Variants in ERMP1 observed in about 807,000 individuals in gnomAD.
ERMP1 encodes endoplasmic reticulum metallopeptidase 1, also known as Felix-ina.
ERMP1 carries 86 observed loss-of-function variants against 92.0 expected under a neutral mutation model. The observed-to-expected ratio is 0.93, with a 90% CI of 0.79 to 1.12. The LOEUF is 1.12. ERMP1 is among the 50% of genes most tolerant of loss of function. The pLI, the probability that ERMP1 is intolerant of heterozygous loss-of-function variation, is 0.00. For missense variants in ERMP1, 1,342 were observed against 1,116.3 expected, an observed-to-expected ratio of 1.20 and a Z score of -2.88; for synonymous variants, 530 against 412.8, an observed-to-expected ratio of 1.28 and a Z score of -3.44.
At chr9:5,834,736 T>TGTGTGTGTGTGC (rs1230741994), upstream of ERMP1, among the ~76,000 whole-genome samples, 4 of 149,608 alleles carry the variant, frequency 2.7e-5, no homozygotes. Context: ...TGTGTGTGTG[T>TGTGTGTGTGTGC]GTGTGTGTGT....
intron 10 of ERMP1, 39 bp from the exon 11 acceptor site, chr9:5,801,367 C>A: frequency 1.3e-6 from 2 of 1,586,470 alleles, no homozygotes; most frequent in Non-Finnish European, 1.7e-6. Context: ...ATTACAAATT[C>A]ATTCTAGTGG....
chr9:5,822,824 G>C (rs1196881195), intron 4 of ERMP1, among the ~76,000 whole-genome samples: 1 of 152,118 alleles, frequency 6.6e-6, no homozygotes, highest in Non-Finnish European at 1.5e-5. Context: ...TTATGCCTGA[G>C]GTTGCAATTT....
intron 13 of ERMP1, among the ~76,000 whole-genome samples, chr9:5,790,192 T>TCC (rs1491423956): frequency 1.4e-5 from 2 of 144,250 alleles, no homozygotes; most frequent in African/African-American, 5.5e-5. Context: ...TTTTTTTTTT[T>TCC]CCCCTGAGAC....
chr9:5,826,380 AC>A (rs1413889976), intron 2 of ERMP1, among the ~76,000 whole-genome samples: 1 of 152,146 alleles, frequency 6.6e-6, no homozygotes, highest in African/African-American at 2.4e-5. Context: ...CTGTCACTTT[AC>A]TCCACTATTT....
rs764114900 is a variant in ERMP1, at chr9:5,832,677, G to A, written c.338+13C>T. ...CGGACGCGCGGGCCGTGCCAGGAGG[G>A]AGCGGCCGGTACCTGGCTTGGAGCG... On this transcript the variant is annotated intron_variant, in intron 1 of 14. Coordinates refer to ENST00000339450, the MANE Select transcript of ERMP1 (RefSeq NM_024896.3). The A allele has an allele frequency of 3.0e-4, 429 of 1,415,118 alleles. No individual in the cohort carries two copies. The highest frequency in any genetic ancestry group is 3.7e-4 in the Non-Finnish European group (402 of 1,090,906). 87.7% of individuals were successfully genotyped at this position (1,415,118 alleles called of 1,614,324 possible).
At chr9:5,819,343 G>C (rs1263662531) in intron 4 of ERMP1, among the ~76,000 whole-genome samples, 1 of 149,520 alleles carries the variant, frequency 6.7e-6, no homozygotes, top group Non-Finnish European at 1.5e-5. Flanking sequence ...CGGAGCCAGG[G>C]AAGGCCATGA....
chr9:5,824,788 A>G (rs1421751572), intron 3 of ERMP1, among the ~76,000 whole-genome samples: 1 of 152,242 alleles, frequency 6.6e-6, no homozygotes, highest in Non-Finnish European at 1.5e-5. Flanking sequence ...CCTGTCTCAA[A>G]ACATCTCTGA....
chr9:5,801,459 A>T, intron 10 of ERMP1, 131 bp from the exon 11 acceptor site: 1 of 717,086 alleles, frequency 1.4e-6, no homozygotes, highest in South Asian at 2.1e-5. Context: ...AGGTGCTAGC[A>T]TACTCTAACA....
At chr9:5,799,110 G>C in intron 11 of ERMP1, 102 bp from the exon 12 acceptor site, 2 of 753,334 alleles carry the variant, frequency 2.7e-6, no homozygotes, top group Non-Finnish European at 4.4e-6. Flanking sequence ...AAATGATGTG[G>C]ATATGGAGCA....
At chr9:5,834,136 C>T (rs1830051728), upstream of ERMP1, among the ~76,000 whole-genome samples, 1 of 152,196 alleles carries the variant, frequency 6.6e-6, no homozygotes, top group Non-Finnish European at 1.5e-5. Context: ...TTCTTATTTC[C>T]AGCTCTCCAG....
At chr9:5,806,921 G>T (rs530134756) in intron 8 of ERMP1, among the ~76,000 whole-genome samples, 59 of 152,290 alleles carry the variant, frequency 3.9e-4, no homozygotes, top group Admixed American at 1.3e-3. Flanking sequence ...TACAGTTCAT[G>T]TAACAACCCC....
At position 5,798,946 on chromosome 9, in the gene ERMP1, C is replaced by G; in HGVS notation, c.2130G>C (p.Trp710Cys). ...GNAVKRDSGI[W>C]INGFDYTGIS... is the part of the protein sequence containing the mutation. ...TTCCAGTATAATCAAACCCATTGATCCATATTCCAGAGTCCCGTTTAACTG... is the reference window on the plus strand; with the variant it reads ...TTCCAGTATAATCAAACCCATTGATGCATATTCCAGAGTCCCGTTTAACTG... The change falls in exon 12 of 15, where the codon TGG becomes TGC. Residue 710 changes from tryptophan (W) to cysteine (C), a missense_variant. Transcript: ENST00000339450. 6.2e-7 allele frequency: 1 copy of G among 1,613,412 alleles called. No homozygotes were observed. Among genetic ancestry groups the G allele is most frequent in the Non-Finnish European group, 8.5e-7 (1 of 1,179,416 alleles).
chr9:5,864,807 T>C (rs1430187953), intron 5 of ERMP1, among the ~76,000 whole-genome samples: 1 of 152,216 alleles, frequency 6.6e-6, no homozygotes, highest in Non-Finnish European at 1.5e-5. Context: ...CTTGCAGAGT[T>C]CTTTGCAACT....
At chr9:5,801,612 T>C (rs1828676286) in intron 10 of ERMP1, among the ~76,000 whole-genome samples, 1 of 152,228 alleles carries the variant, frequency 6.6e-6, no homozygotes, top group Non-Finnish European at 1.5e-5. Flanking sequence ...AACTCAGGAC[T>C]GTCGCTGTCC....
intron 6 of ERMP1, chr9:5,855,852 G>A: frequency 5.3e-6 from 1 of 190,098 alleles, no homozygotes; most frequent in Middle Eastern, 2.0e-3. Context: ...GATTTTATCA[G>A]TCTCCATCCC....
chr9:5,786,307 G>A lies in ERMP1; in HGVS notation c.*837C>T, dbSNP rs921790187. 2 of 152,202 alleles carry A rather than the reference G, an allele frequency of 1.3e-5. No individual in the cohort carries two copies. The highest frequency in any genetic ancestry group is 2.4e-5 in the African/African-American group (1 of 41,440). The allele number at this position is 152,202 out of a possible 1,614,324, so 9.4% of individuals were successfully genotyped here. A position where few individuals can be genotyped will look rare whatever the true frequency, so the allele number is the denominator to read the frequency against. ...CCAGAATAGCCCAGATGGCAGCTCA[G>A]TGCTCTGAGGAAGGAAGTTAAGGTC... On this transcript the variant is annotated 3_prime_UTR_variant, in exon 15 of 15. Coordinates refer to ENST00000339450, the MANE Select transcript of ERMP1 (RefSeq NM_024896.3).
At position 5,816,674 on chromosome 9, in the gene ERMP1, G is replaced by C. The variant is rs75519319; in HGVS notation, c.875-3639C>G. 8.0e-3 allele frequency among the ~76,000 whole-genome samples: 1,220 copies of C among 152,250 alleles called. 20 individuals are homozygous for C. The highest frequency in any genetic ancestry group is 0.027 in the African/African-American group (1,138 of 41,540). ...AAAGACATTTACGAGAATGTTCACA[G>C]CAGCACCATTCATAGCAAAAACCTG... is the stretch of plus-strand genomic sequence containing the variant. On this transcript the variant is annotated intron_variant, in intron 4 of 14. Coordinates refer to ENST00000339450, the MANE Select transcript of ERMP1 (RefSeq NM_024896.3).
At chr9:5,860,626 T>TG (rs1232246262) in intron 5 of ERMP1, among the ~76,000 whole-genome samples, 3 of 103,862 alleles carry the variant, frequency 2.9e-5, no homozygotes, top group African/African-American at 8.9e-5. Context: ...TTTTTTTTTT[T>TG]GTAGAGATCG....
intron 5 of ERMP1, among the ~76,000 whole-genome samples, chr9:5,865,385 G>C (rs757921216): frequency 1.4e-4 from 22 of 152,152 alleles, no homozygotes; most frequent in Non-Finnish European, 2.6e-4. Flanking sequence ...GCAGGCGCCT[G>C]TAGTCCCAGC....
Sources: gnomAD v4.1 joint callset for allele counts (sites outside exome capture counted in the v4.1 genomes callset) on GRCh38, gnomAD v4.1.1 for gene constraint, MANE v1.5 for transcripts, NCBI Gene and HGNC (gene_info 2026-07-23, HGNC 2026-07-21) for gene names.